Variants in STX8 observed in about 807,000 individuals in gnomAD.
The protein encoded by STX8 is syntaxin-8.
Under a neutral mutation model 37.5 loss-of-function variants are expected in STX8, and 23 were observed. That is an observed-to-expected ratio of 0.61 (90% CI 0.44 to 0.87). The LOEUF is 0.87. STX8 is among the 40% of genes least tolerant of loss of function. STX8 has a pLI of 0.00. For synonymous variants in STX8, 115 were observed against 99.1 expected, an observed-to-expected ratio of 1.16 and a Z score of -0.95; for missense variants, 313 against 284.7, an observed-to-expected ratio of 1.10 and a Z score of -0.71.
At chr17:9,432,497 G>A (rs887129717) in intron 6 of STX8, among the ~76,000 whole-genome samples, 56 of 130,996 alleles carry the variant, frequency 4.3e-4, no homozygotes, top group African/African-American at 1.8e-3. Flanking sequence ...CATCTAAATC[G>A]GAAGAAAAAA....
At chr17:9,365,739 C>T (rs145007597) in intron 7 of STX8, among the ~76,000 whole-genome samples, 156 of 152,288 alleles carry the variant, frequency 1.0e-3, no homozygotes, top group Non-Finnish European at 1.9e-3. Flanking sequence ...TTCGGGAGGC[C>T]GAGGTGGGCG....
At position 9,255,302 on chromosome 17, in the gene STX8, G is replaced by A. The variant is rs1386433689; in HGVS notation, c.644-4657C>T. ...AGCACTTTGGGAGGCCAAGGCGGGC[G>A]GATCATCTGAGGTCAGGAGTTTGAG... On this transcript the variant is annotated intron_variant, in intron 7 of 7. Transcript: ENST00000306357. 1.4e-4 allele frequency among the ~76,000 whole-genome samples: 16 copies of A among 110,818 alleles called. No individual in the cohort carries two copies. The South Asian group carries it at 1.7e-3, about 12-fold the overall frequency. 72.7% of individuals were successfully genotyped at this position (110,818 alleles called of 152,430 possible). A position where few individuals can be genotyped will look rare whatever the true frequency, so the allele number is the denominator to read the frequency against.
chr17:9,376,792 C>T (rs1319604468), intron 7 of STX8, among the ~76,000 whole-genome samples: 5 of 152,192 alleles, frequency 3.3e-5, no homozygotes, highest in African/African-American at 1.2e-4. Context: ...TCTTCAAGAA[C>T]TGTAACATTC....
chr17:9,457,399 C>T (rs909153191), intron 6 of STX8, among the ~76,000 whole-genome samples: 2 of 152,158 alleles, frequency 1.3e-5, no homozygotes, highest in Admixed American at 6.5e-5. Flanking sequence ...AATGACTGCT[C>T]GAGTCTCTCA....
At chr17:9,328,844 G>A (rs942311806) in intron 7 of STX8, among the ~76,000 whole-genome samples, 3 of 152,076 alleles carry the variant, frequency 2.0e-5, no homozygotes, top group African/African-American at 7.2e-5. Context: ...GAGGACAGGA[G>A]TTCAAGACCA....
intron 6 of STX8, among the ~76,000 whole-genome samples, chr17:9,438,240 CAAAAA>C (rs1297626169): frequency 1.5e-5 from 1 of 66,334 alleles, no homozygotes. Flanking sequence ...GACTCCATCT[CAAAAA>C]AAAAAAAAAA....
intron 1 of STX8, chr17:9,569,765 G>A (rs1198533244): frequency 1.3e-5 from 2 of 152,140 alleles, no homozygotes; most frequent in South Asian, 2.1e-4. Context: ...GGCCAACATA[G>A]TGAAACCCCG....
chr17:9,348,903 C>T (rs747413894), intron 7 of STX8, among the ~76,000 whole-genome samples: 40 of 152,318 alleles, frequency 2.6e-4, no homozygotes, highest in African/African-American at 3.6e-4. Context: ...GCATGGAGGA[C>T]GCGTTCCAAG....
intron 7 of STX8, among the ~76,000 whole-genome samples, chr17:9,295,390 C>T (rs1202728093): frequency 6.6e-6 from 1 of 152,198 alleles, no homozygotes; most frequent in African/African-American, 2.4e-5. Context: ...ATGTAGCAGA[C>T]ATTCAATAAT....
At chr17:9,301,682 C>T (rs1483067887) in intron 7 of STX8, among the ~76,000 whole-genome samples, 3 of 150,680 alleles carry the variant, frequency 2.0e-5, no homozygotes, top group Non-Finnish European at 4.4e-5. Context: ...TTAGTAGAGA[C>T]GGGGTTTCAC....
intron 6 of STX8, among the ~76,000 whole-genome samples, chr17:9,379,202 G>A (rs940232670): frequency 4.8e-5 from 7 of 147,200 alleles, no homozygotes; most frequent in Admixed American, 1.4e-4. Context: ...CCAAGATCAC[G>A]CTGCTGCATT....
At chr17:9,271,764 A>AAAG (rs1907474317) in intron 7 of STX8, among the ~76,000 whole-genome samples, 1 of 151,358 alleles carries the variant, frequency 6.6e-6, no homozygotes, top group Non-Finnish European at 1.5e-5. Context: ...AAAAAAAAAA[A>AAAG]AAAAGAAAGA....
intron 4 of STX8, among the ~76,000 whole-genome samples, chr17:9,534,150 T>G (rs1238825329): frequency 2.0e-5 from 3 of 151,154 alleles, no homozygotes; most frequent in African/African-American, 7.3e-5. Flanking sequence ...GGCTTTAATA[T>G]TAATAACGGA....
chr17:9,387,264 G>T (rs1030268333), intron 6 of STX8, among the ~76,000 whole-genome samples: 5 of 152,064 alleles, frequency 3.3e-5, no homozygotes, highest in Non-Finnish European at 7.4e-5. Context: ...GAACACAGCT[G>T]AGTTTATATA....
intron 6 of STX8, among the ~76,000 whole-genome samples, chr17:9,465,860 G>C (rs899474886): frequency 6.6e-6 from 1 of 152,168 alleles, no homozygotes; most frequent in African/African-American, 2.4e-5. Context: ...ACATACAAGG[G>C]ATGAGGTTTG....
intron 4 of STX8, among the ~76,000 whole-genome samples, chr17:9,528,454 T>A (rs9908565): frequency 4.6e-5 from 7 of 152,218 alleles, no homozygotes; most frequent in African/African-American, 1.7e-4. Flanking sequence ...CGTGCCACCA[T>A]GCCCGGCTAA....
intron 7 of STX8, among the ~76,000 whole-genome samples, chr17:9,265,535 A>C (rs1907204758): frequency 6.6e-6 from 1 of 152,244 alleles, no homozygotes; most frequent in African/African-American, 2.4e-5. Flanking sequence ...GGCACTTGCT[A>C]TCCACTTTGT....
chr17:9,487,712 G>A (rs1906660765), intron 6 of STX8, among the ~76,000 whole-genome samples: 1 of 152,172 alleles, frequency 6.6e-6, no homozygotes, highest in Non-Finnish European at 1.5e-5. Flanking sequence ...ATGAGATGGA[G>A]ATGAGGACAG....
chr17:9,273,593 T>C (rs1049730315), intron 7 of STX8, among the ~76,000 whole-genome samples: 2 of 152,248 alleles, frequency 1.3e-5, no homozygotes, highest in African/African-American at 4.8e-5. Flanking sequence ...GAAGTAGAGC[T>C]CGTCCCACAT....
Sources: gnomAD v4.1 joint callset for allele counts (sites outside exome capture counted in the v4.1 genomes callset) on GRCh38, gnomAD v4.1.1 for gene constraint, MANE v1.5 for transcripts, NCBI Gene and HGNC (gene_info 2026-07-23, HGNC 2026-07-21) for gene names.